The following NALF1 variants were observed in gnomAD, a reference collection of about 807,000 sequenced individuals.
The protein encoded by NALF1 is NALCN channel auxiliary factor 1, also known as family with sequence similarity 155 member A.
NALF1 carries 3 observed loss-of-function variants against 48.4 expected under a neutral mutation model. The observed-to-expected ratio is 0.06, with a 90% CI of 0.03 to 0.16. The LOEUF (loss-of-function observed/expected upper bound fraction) is 0.16, where lower values mean the gene tolerates loss of function less well. Among genes scored for constraint, NALF1 ranks in the 10% least tolerant of loss-of-function variants. The probability of loss-of-function intolerance (pLI) is 1.00; values close to 1 mark genes in which losing one functional copy is unlikely to be tolerated. For missense variants in NALF1, 526 were observed against 571.5 expected (o/e 0.92, Z 0.81); for synonymous variants, 262 against 245.7 (o/e 1.07, Z -0.62).
chr13:107,173,600 A>G (rs1045104588), intron 2 of NALF1, among the ~76,000 whole-genome samples: 5 of 152,098 alleles, frequency 3.3e-5, no homozygotes, highest in Admixed American at 6.5e-5. Context: ...ATGAGTCTCC[A>G]CTGCTCCGTG....
At chr13:107,228,300 G>A (rs1302039666) in intron 1 of NALF1, among the ~76,000 whole-genome samples, 3 of 152,168 alleles carry the variant, frequency 2.0e-5, no homozygotes, top group Non-Finnish European at 4.4e-5. Context: ...ATCAGGCCAT[G>A]AAACATCTTT....
At chr13:107,247,823 A>C (rs1312514092) in intron 1 of NALF1, among the ~76,000 whole-genome samples, 3 of 151,930 alleles carry the variant, frequency 2.0e-5, no homozygotes, top group Non-Finnish European at 2.9e-5. Flanking sequence ...TAACAACAAA[A>C]CCCCTCTATT....
chr13:107,510,781 A>T (rs1734820515), intron 1 of NALF1, among the ~76,000 whole-genome samples: 1 of 152,202 alleles, frequency 6.6e-6, no homozygotes, highest in Non-Finnish European at 1.5e-5. Context: ...ACCTGAGCAC[A>T]GACAAAAACA....
intron 1 of NALF1, among the ~76,000 whole-genome samples, chr13:107,262,771 T>G (rs9301202): frequency 7.2e-4 from 39 of 54,504 alleles, no homozygotes; most frequent in South Asian, 1.8e-3. Flanking sequence ...CCACAGGCGC[T>G]CTCTCTCTCT....
chr13:107,216,451 G>C (rs539728147), intron 1 of NALF1, among the ~76,000 whole-genome samples: 1 of 152,330 alleles, frequency 6.6e-6, no homozygotes, highest in South Asian at 2.1e-4. Flanking sequence ...AGGCTGAGCT[G>C]AGTCTGTGAA....
intron 1 of NALF1, among the ~76,000 whole-genome samples, chr13:107,750,854 C>T (rs1876917443): frequency 6.6e-6 from 1 of 152,146 alleles, no homozygotes; most frequent in African/African-American, 2.4e-5. Context: ...AGTACACTAA[C>T]CTCCAACTGC....
At chr13:107,658,315 G>A (rs114711712) in intron 1 of NALF1, among the ~76,000 whole-genome samples, 1 of 151,798 alleles carries the variant, frequency 6.6e-6, no homozygotes, top group Non-Finnish European at 1.5e-5. Context: ...TTTGCTTATG[G>A]AAGAGCCTCA....
intron 1 of NALF1, among the ~76,000 whole-genome samples, chr13:107,398,194 A>T (rs1173606150): frequency 1.3e-5 from 2 of 152,170 alleles, no homozygotes; most frequent in Non-Finnish European, 2.9e-5. Flanking sequence ...TTGCAAAACG[A>T]TCATTGCTTA....
At chr13:107,256,412 T>G (rs1045127226) in intron 1 of NALF1, among the ~76,000 whole-genome samples, 1 of 152,240 alleles carries the variant, frequency 6.6e-6, no homozygotes, top group African/African-American at 2.4e-5. Flanking sequence ...GCTTGACTTA[T>G]GATTTTGTTG....
chr13:107,774,169 A>G (rs374855703), intron 1 of NALF1, among the ~76,000 whole-genome samples: 10 of 152,214 alleles, frequency 6.6e-5, no homozygotes, highest in African/African-American at 2.4e-4. Context: ...AGACTGATAC[A>G]TGGCAGCAGT....
At chr13:107,442,891 G>GACT in intron 1 of NALF1, among the ~76,000 whole-genome samples, 1 of 152,230 alleles carries the variant, frequency 6.6e-6, no homozygotes, top group South Asian at 2.1e-4. Context: ...GAAGAATGCA[G>GACT]ACTCATATAA....
chr13:107,638,022 A>C (rs1880032338), intron 1 of NALF1, among the ~76,000 whole-genome samples: 1 of 151,764 alleles, frequency 6.6e-6, no homozygotes, highest in Non-Finnish European at 1.5e-5. Context: ...TGTACCATAC[A>C]GTGCCTTAAT....
chr13:107,444,577 A>G (rs1884617287), intron 1 of NALF1, among the ~76,000 whole-genome samples: 1 of 152,168 alleles, frequency 6.6e-6, no homozygotes, highest in African/African-American at 2.4e-5. Context: ...ACTTGAATGG[A>G]CCCACATGAT....
At chr13:107,674,059 C>G (rs1881056893) in intron 1 of NALF1, among the ~76,000 whole-genome samples, 1 of 151,974 alleles carries the variant, frequency 6.6e-6, no homozygotes, top group African/African-American at 2.4e-5. Flanking sequence ...CAAACCATCA[C>G]TTAATTTTCA....
At chr13:107,240,812 T>C (rs1178507121) in intron 1 of NALF1, among the ~76,000 whole-genome samples, 3 of 151,980 alleles carry the variant, frequency 2.0e-5, no homozygotes, top group African/African-American at 7.2e-5. Flanking sequence ...ATTTCACCTT[T>C]TTTTTTTAAG....
At chr13:107,765,950 T>A (rs1266723499) in intron 1 of NALF1, among the ~76,000 whole-genome samples, 1 of 152,198 alleles carries the variant, frequency 6.6e-6, no homozygotes, top group Admixed American at 6.5e-5. Flanking sequence ...TTCCTCTTTA[T>A]CTAGGTCACA....
intron 2 of NALF1, among the ~76,000 whole-genome samples, chr13:107,175,227 T>G (rs1463068392): frequency 6.7e-6 from 1 of 148,834 alleles, no homozygotes; most frequent in African/African-American, 2.5e-5. Flanking sequence ...AAAAGTTCCC[T>G]CCAGGAAGAA....
intron 1 of NALF1, among the ~76,000 whole-genome samples, chr13:107,253,472 T>A (rs975228620): frequency 6.6e-6 from 1 of 152,126 alleles, no homozygotes; most frequent in Non-Finnish European, 1.5e-5. Context: ...CCTTGCTCCC[T>A]CTAGTGAGTG....
intron 1 of NALF1, among the ~76,000 whole-genome samples, chr13:107,831,484 T>C (rs1264227878): frequency 1.3e-5 from 2 of 152,174 alleles, no homozygotes; most frequent in East Asian, 3.9e-4. Flanking sequence ...AGAGTTTCGC[T>C]GGTTTGGCTT....
Sources: allele counts gnomAD v4.1 joint callset (sites outside exome capture counted in the v4.1 genomes callset), GRCh38; gene constraint gnomAD v4.1.1; transcripts MANE v1.5; gene names NCBI Gene and HGNC (gene_info 2026-07-23, HGNC 2026-07-21).